Variants in PTK2 observed in about 807,000 individuals in gnomAD.
PTK2 encodes the protein protein tyrosine kinase 2, also known as focal adhesion kinase 1.
Under a neutral mutation model 150.1 loss-of-function variants are expected in PTK2, and 45 were observed. The observed-to-expected ratio is 0.30, with a 90% CI of 0.24 to 0.38. The LOEUF (loss-of-function observed/expected upper bound fraction) is 0.38. Ranked by LOEUF, PTK2 falls within the 10% of genes least tolerant of loss-of-function variation. The pLI is 1.00. For missense variants in PTK2, 919 were observed against 1,307.3 expected, an observed-to-expected ratio of 0.70 and a Z score of 4.58; for synonymous variants, 432 against 449.2, an observed-to-expected ratio of 0.96 and a Z score of 0.48.
chr8:140,877,629 C>T (rs1476998095), intron 4 of PTK2, among the ~76,000 whole-genome samples: 1 of 151,960 alleles, frequency 6.6e-6, no homozygotes, highest in African/African-American at 2.4e-5. Context: ...GGCTCAGCCA[C>T]TTATGACGAC....
At chr8:140,664,886 A>G in intron 31 of PTK2, 31 bp downstream of exon 35, 1 of 1,600,092 alleles carries the variant, frequency 6.2e-7, no homozygotes, top group Non-Finnish European at 8.5e-7. Flanking sequence ...GTGCTGTCAC[A>G]GAGGGCTGCA....
chr8:140,986,789 G>C (rs778762654), intron 1 of PTK2, among the ~76,000 whole-genome samples: 2 of 152,220 alleles, frequency 1.3e-5, no homozygotes, highest in Non-Finnish European at 1.5e-5. Context: ...GCAAAAGTAA[G>C]TGTTCTCTGG....
chr8:140,962,278 A>G (rs1187486807), intron 1 of PTK2, among the ~76,000 whole-genome samples: 2 of 107,054 alleles, frequency 1.9e-5, no homozygotes, highest in African/African-American at 3.6e-5. Flanking sequence ...GGAGGGAGGA[A>G]GGGAGGGAGG....
At chr8:140,884,160 G>A (rs1198515379) in intron 3 of PTK2, among the ~76,000 whole-genome samples, 1 of 152,106 alleles carries the variant, frequency 6.6e-6, no homozygotes. Context: ...GGGGACATCT[G>A]CACAGGTTCT....
exon 22 of PTK2, chr8:140,735,260 G>C: frequency 6.2e-7 from 1 of 1,613,828 alleles, no homozygotes; most frequent in South Asian, 1.1e-5. Context: ...CCTGAGCTGA[G>C]CTTTAAGTTC....
chr8:140,860,048 C>T (rs1342415611), intron 5 of PTK2, among the ~76,000 whole-genome samples: 1 of 152,066 alleles, frequency 6.6e-6, no homozygotes, highest in African/African-American at 2.4e-5. Flanking sequence ...GCATTTTTTT[C>T]CCACATAAAC....
chr8:140,855,030 C>G (rs2100131675), intron 5 of PTK2, among the ~76,000 whole-genome samples: 1 of 151,976 alleles, frequency 6.6e-6, no homozygotes, highest in African/African-American at 2.4e-5. Context: ...GCTCTGTCAC[C>G]CAGGCTGGAG....
intron 31 of PTK2, among the ~76,000 whole-genome samples, chr8:140,664,197 T>A (rs1217143924): frequency 6.6e-6 from 1 of 152,218 alleles, no homozygotes; most frequent in Non-Finnish European, 1.5e-5. Flanking sequence ...TTGGCCAGGA[T>A]GGTCTCGATC....
chr8:140,800,712 A>G (rs1215742449), intron 11 of PTK2, 136 bp from the exon 12 acceptor site: 7 of 657,132 alleles, frequency 1.1e-5, no homozygotes, highest in Non-Finnish European at 1.9e-5. Flanking sequence ...TTGTCATGAG[A>G]TTTGAGAAAG....
chr8:140,859,050 T>C lies in PTK2; in HGVS notation c.450+5262A>G, dbSNP rs545531610. Among the ~76,000 whole-genome samples the C allele has an allele frequency of 9.8e-5, 15 of 152,306 alleles. No individual in the cohort carries two copies. In the South Asian group the frequency reaches 3.1e-3, roughly 32 times the overall value. Reference sequence around the variant, plus strand: ...TAAAACCGCTGAACAAATTATTTTTTTAAAATCTTCTTGAATGCTTACGTG... The same window carrying C: ...TAAAACCGCTGAACAAATTATTTTTCTAAAATCTTCTTGAATGCTTACGTG... On this transcript the variant is annotated intron_variant, in intron 5 of 31. Coordinates refer to ENST00000522684, the Ensembl canonical transcript of PTK2.
At chr8:140,933,192 A>G (rs1301090272) in intron 1 of PTK2, among the ~76,000 whole-genome samples, 2 of 800 alleles carry the variant, frequency 2.5e-3, no homozygotes, top group Non-Finnish European at 0.017. Flanking sequence ...ACAGTAATGA[A>G]AAAAAAAAAA....
chr8:140,746,895 T>TC (rs1347780895), intron 17 of PTK2, 35 bp from the exon 21 acceptor site: 23 of 1,057,212 alleles, frequency 2.2e-5, no homozygotes, highest in Non-Finnish European at 2.9e-5. Flanking sequence ...ATTCTTTCTT[T>TC]TTTTTTTTTT....
chr8:140,810,386 C>T (rs925853355), intron 10 of PTK2, among the ~76,000 whole-genome samples: 2 of 152,208 alleles, frequency 1.3e-5, no homozygotes, highest in Non-Finnish European at 2.9e-5. Flanking sequence ...GTTAGTCTGA[C>T]CTGAGCACCC....
chr8:140,833,775 T>C (rs765371652), intron 7 of PTK2, among the ~76,000 whole-genome samples: 6 of 152,234 alleles, frequency 3.9e-5, no homozygotes, highest in Non-Finnish European at 8.8e-5. Flanking sequence ...GGATATGTCC[T>C]AAATGCATTT....
At chr8:140,873,223 A>C (rs1279653558) in intron 4 of PTK2, among the ~76,000 whole-genome samples, 1 of 152,186 alleles carries the variant, frequency 6.6e-6, no homozygotes, top group Non-Finnish European at 1.5e-5. Context: ...AATTTATTAA[A>C]ACATTCTCCC....
At position 140,846,738 on chromosome 8, in the gene PTK2, C is replaced by T. The variant is rs2100125746; in HGVS notation, c.451-60G>A. On this transcript the variant is annotated intron_variant, in intron 5 of 31. Transcript: ENST00000522684. ...TTAAAAGAAAAATATTAGATATATG[C>T]ATTCAATAAATGTTTCCTGAGTACC... The T allele has an allele frequency of 1.4e-5, 17 of 1,208,654 alleles. 1 individual carries two copies. The South Asian group carries it at 2.3e-4, about 16-fold the overall frequency. The allele number at this position is 1,208,654 out of a possible 1,614,324, so 74.9% of individuals were successfully genotyped here.
intron 2 of PTK2, among the ~76,000 whole-genome samples, chr8:140,895,541 T>A (rs986583182): frequency 1.6e-4 from 23 of 140,672 alleles, no homozygotes; most frequent in Non-Finnish European, 2.7e-4. Context: ...AAAAAAAAAA[T>A]TACGTATTTA....
chr8:140,701,428 A>C (rs2100030395), intron 25 of PTK2, among the ~76,000 whole-genome samples: 1 of 152,176 alleles, frequency 6.6e-6, no homozygotes, highest in South Asian at 2.1e-4. Flanking sequence ...TCATTCAAAT[A>C]AGTAATTTTT....
At position 140,696,995 on chromosome 8, in the gene PTK2, G is replaced by A. The variant is rs141692973; in HGVS notation, c.2499+3896C>T. Among the ~76,000 whole-genome samples, 611 of 152,038 alleles carry A rather than the reference G, an allele frequency of 4.0e-3. 5 individuals are homozygous for A. Among genetic ancestry groups the A allele is most frequent in the African/African-American group, 0.014 (580 of 41,466 alleles). ...CCAAAAATACAAAAATTAGCTGGGC[G>A]TGGTGGTGCGTGACTGTAGTCCCAG... is the stretch of plus-strand genomic sequence containing the variant. On this transcript the variant is annotated intron_variant, in intron 26 of 31. Coordinates refer to ENST00000522684, the Ensembl canonical transcript of PTK2.
Sources: allele counts gnomAD v4.1 joint callset (sites outside exome capture counted in the v4.1 genomes callset), GRCh38; gene constraint gnomAD v4.1.1; transcripts MANE v1.5; gene names NCBI Gene and HGNC (gene_info 2026-07-23, HGNC 2026-07-21).